The following PCDHGB4 variants were observed in gnomAD, a reference collection of about 807,000 sequenced individuals.
The protein encoded by PCDHGB4 is protocadherin gamma subfamily B, 4, also known as protocadherin gamma-B4.
PCDHGB4 carries 38 observed loss-of-function variants against 60.5 expected under a neutral mutation model. The observed-to-expected ratio is 0.63, with a 90% CI of 0.48 to 0.82. PCDHGB4 has a LOEUF of 0.82. PCDHGB4 is among the 40% of genes least tolerant of loss of function. The pLI, the probability that PCDHGB4 is intolerant of heterozygous loss-of-function variation, is 0.00. For synonymous variants in PCDHGB4, 456 were observed against 509.7 expected (o/e 0.89, Z 1.42); for missense variants, 1,109 against 1,209.6 (o/e 0.92, Z 1.23).
At chr5:141,454,567 C>T (rs572130062) in intron 1 of PCDHGB4, among the ~76,000 whole-genome samples, 10 of 150,966 alleles carry the variant, frequency 6.6e-5, no homozygotes, top group South Asian at 2.1e-4. Context: ...CCACCACGCC[C>T]GGCTAATTTT....
At chr5:141,411,783 G>C (rs1191623081) in intron 1 of PCDHGB4, 1 of 152,338 alleles carries the variant, frequency 6.6e-6, no homozygotes, top group Non-Finnish European at 1.5e-5. Context: ...TCTGGTGGCT[G>C]TGGTGGGAGA....
intron 1 of PCDHGB4, chr5:141,413,123 A>T: frequency 6.5e-7 from 1 of 1,526,818 alleles, no homozygotes. Flanking sequence ...GAACCGGTTG[A>T]AACACACAAC....
rs367731612 is a variant in PCDHGB4, at chr5:141,419,406, C to T, written c.2397+29125C>T. The T allele has an allele frequency of 6.5e-5, 105 of 1,613,522 alleles. 1 individual carries two copies. The South Asian group carries it at 1.0e-3, about 16-fold the overall frequency. Reference sequence around the variant, plus strand: ...AGCGCGCAGAGCGGGGTGGTGTTCGCGCAGCGCGCCTTCGACCACGAGCAG... The same window carrying T: ...AGCGCGCAGAGCGGGGTGGTGTTCGTGCAGCGCGCCTTCGACCACGAGCAG... On this transcript the variant is annotated intron_variant, in intron 1 of 3. Transcript: ENST00000519479.
In PCDHGB4 at chr5:141,490,363, C is replaced by G; in HGVS notation, c.2398-4444C>G. 3 of 1,614,154 alleles carry G rather than the reference C, an allele frequency of 1.9e-6. No homozygotes were observed. Among genetic ancestry groups the G allele is most frequent in the Non-Finnish European group, 2.5e-6 (3 of 1,180,032 alleles). On this transcript the variant is annotated intron_variant, in intron 1 of 3. Transcript: ENST00000519479. This position sits in a 1 kb window ranked among gnomAD's most constrained non-coding sequence, Gnocchi z 5.4. ...CACAGTAGTGGGGTTGTTTAATGTGCGAGACCGGGACTCAGGTAGAAATGG... is the reference window on the plus strand; with the variant it reads ...CACAGTAGTGGGGTTGTTTAATGTGGGAGACCGGGACTCAGGTAGAAATGG...
chr5:141,418,542 T>A (rs1260030087), intron 1 of PCDHGB4: 1 of 1,614,028 alleles, frequency 6.2e-7, no homozygotes, highest in South Asian at 1.1e-5. Context: ...ACTGCTCAGA[T>A]AAGAATCCTG....
At chr5:141,481,180 T>C (rs1354907506) in intron 1 of PCDHGB4, among the ~76,000 whole-genome samples, 1 of 152,236 alleles carries the variant, frequency 6.6e-6, no homozygotes, top group Admixed American at 6.5e-5. Flanking sequence ...CCAGCTTTAT[T>C]GGGCCAGGCC....
intron 1 of PCDHGB4, among the ~76,000 whole-genome samples, chr5:141,435,314 G>C (rs1490871069): frequency 6.6e-6 from 1 of 152,006 alleles, no homozygotes; most frequent in African/African-American, 2.4e-5. Flanking sequence ...AATCATTCAT[G>C]AACTTCCAAA....
intron 1 of PCDHGB4, chr5:141,428,390 C>T (rs1043799152): frequency 8.0e-5 from 40 of 502,004 alleles, no homozygotes; most frequent in African/African-American, 6.6e-4. Context: ...TCTTCCAGCC[C>T]CTCTGCCTGG....
At chr5:141,408,978 C>A (rs1444971938) in intron 1 of PCDHGB4, 1 of 1,613,862 alleles carries the variant, frequency 6.2e-7, no homozygotes, top group African/African-American at 1.3e-5. Context: ...CCCCCTGGGT[C>A]CCCTGTGTTG....
In PCDHGB4 at chr5:141,389,182, G is replaced by T; in HGVS notation, c.1298G>T (p.Ser433Ile). ...TDRGKPPLSS[S>I]SSITLHIGDV... The stretch of plus-strand genomic sequence containing the variant: ...CGGGGCAAGCCTCCCCTCTCCTCCA[G>T]TTCCAGCATCACCCTGCACATTGGT... The change falls in exon 1 of 4, where the codon AGT becomes ATT. Residue 433 changes from serine to isoleucine, a missense_variant. This residue lies in a region of PCDHGB4 where 1,068 missense variants were observed against 1,089.9 expected (regional missense o/e 0.98). Coordinates refer to ENST00000519479, the MANE Select transcript of PCDHGB4 (RefSeq NM_003736.4). The T allele has an allele frequency of 6.2e-7, 1 of 1,614,032 alleles. No homozygotes were observed. The highest frequency in any genetic ancestry group is 8.5e-7 in the Non-Finnish European group (1 of 1,179,894).
chr5:141,511,007 G>A lies in PCDHGB4; in HGVS notation c.2606G>A (p.Arg869His), dbSNP rs780918754. The change falls in exon 4 of 4, where the codon CGC becomes CAC. Residue 869 changes from arginine to histidine, a missense_variant. Physicochemically the swap from Arg to His is conservative, Grantham distance 29 (BLOSUM62 0). Transcript: ENST00000519479. ...GCCGGCACCATGGGATTGAGCGCCC[G>A]CTACGGACCCCAGTTCACCCTGCAG... is the stretch of plus-strand genomic sequence containing the variant. ...GGAGTMGLSA[R>H]YGPQFTLQHV... 1.9e-6 allele frequency: 3 copies of A among 1,614,158 alleles called. No individual in the cohort carries two copies. Among genetic ancestry groups the A allele is most frequent in the East Asian group, 4.5e-5 (2 of 44,890 alleles).
At chr5:141,430,557 G>C (rs1161595629) in intron 1 of PCDHGB4, 5 of 412,906 alleles carry the variant, frequency 1.2e-5, no homozygotes, top group Non-Finnish European at 1.7e-5. Context: ...TTCACCAATC[G>C]GGGAGAGAAA....
chr5:141,491,528 C>T lies in PCDHGB4; in HGVS notation c.2398-3279C>T, dbSNP rs745806026. ...GGCACGCTCAAGTACATGGAGGTGACGCTGCGGCCCACAGACTCGCAGAGC... is the reference window on the plus strand; with the variant it reads ...GGCACGCTCAAGTACATGGAGGTGATGCTGCGGCCCACAGACTCGCAGAGC... On this transcript the variant is annotated intron_variant, in intron 1 of 3. Coordinates refer to ENST00000519479, the MANE Select transcript of PCDHGB4 (RefSeq NM_003736.4). The surrounding 1 kb of genome is among the most constrained non-coding windows in gnomAD (Gnocchi z 6.9). 4 of 1,613,950 alleles carry T rather than the reference C, an allele frequency of 2.5e-6. No individual in the cohort carries two copies. Among genetic ancestry groups the T allele is most frequent in the South Asian group, 1.1e-5 (1 of 91,092 alleles).
At chr5:141,466,754 C>T (rs1045917268) in intron 1 of PCDHGB4, among the ~76,000 whole-genome samples, 1 of 152,138 alleles carries the variant, frequency 6.6e-6, no homozygotes, top group African/African-American at 2.4e-5. Context: ...GATAGGGGCT[C>T]TTTTCAAACT....
chr5:141,487,312 TAA>T lies in PCDHGB4; in HGVS notation c.2398-7494_2398-7493del, dbSNP rs1464336630. ...TTGGCTCATTCGTGGCACTACTCTC[TAA>T]GTGTCTTCGTGGGGCAGCCTGTGGA... On this transcript the variant is annotated intron_variant, in intron 1 of 3. Transcript: ENST00000519479. The surrounding 1 kb of genome is among the most constrained non-coding windows in gnomAD (Gnocchi z 5.0). 1 of 1,614,158 alleles carries T rather than the reference TAA, an allele frequency of 6.2e-7. No homozygotes were observed. Among genetic ancestry groups the T allele is most frequent in the African/African-American group, 1.3e-5 (1 of 75,056 alleles).
At chr5:141,462,280 C>T (rs927977920) in intron 1 of PCDHGB4, among the ~76,000 whole-genome samples, 15 of 152,146 alleles carry the variant, frequency 9.9e-5, no homozygotes, top group African/African-American at 3.4e-4. Context: ...TGTTTAGTCA[C>T]CAAATATGTA....
Position 141,486,319 on chromosome 5 carries a change from C to T in PCDHGB4, c.2398-8488C>T, listed in dbSNP as rs148184642. The T allele has an allele frequency of 1.7e-4, 268 of 1,614,058 alleles. No individual in the cohort carries two copies. The African/African-American group carries it at 1.7e-3, about 10-fold the overall frequency. Reference sequence around the variant, plus strand: ...TGCAGGATCCAGACTCAGGGTCAAACGGAGATGTGAGCCTCCGCATTCCTG... The same window carrying T: ...TGCAGGATCCAGACTCAGGGTCAAATGGAGATGTGAGCCTCCGCATTCCTG... On this transcript the variant is annotated intron_variant, in intron 1 of 3. Transcript: ENST00000519479. The surrounding 1 kb of genome is among the most constrained non-coding windows in gnomAD (Gnocchi z 5.0).
At chr5:141,417,882 G>A (rs1170069976) in intron 1 of PCDHGB4, 8 of 1,560,746 alleles carry the variant, frequency 5.1e-6, no homozygotes, top group African/African-American at 1.4e-5. Flanking sequence ...TGCGCGCAGA[G>A]GCGCCGGGCC....
intron 1 of PCDHGB4, among the ~76,000 whole-genome samples, chr5:141,425,219 G>T (rs779272038): frequency 2.0e-5 from 3 of 152,148 alleles, no homozygotes; most frequent in Non-Finnish European, 2.9e-5. Context: ...ATTGTACTTT[G>T]ACTGGAATTA....
Sources: gnomAD v4.1 joint callset for allele counts (sites outside exome capture counted in the v4.1 genomes callset) on GRCh38, gnomAD v4.1.1 for gene constraint, gnomAD v4.1.1 regional missense constraint, Gnocchi (gnomAD v3.1) non-coding constraint, MANE v1.5 for transcripts, NCBI Gene and HGNC (gene_info 2026-07-23, HGNC 2026-07-21) for gene names.